Variants in SORT1 observed in about 807,000 individuals in gnomAD.
The protein encoded by SORT1 is sortilin 1.
Under a neutral mutation model 101.7 loss-of-function variants are expected in SORT1, and 39 were observed. The observed-to-expected ratio is 0.38, with a 90% CI of 0.30 to 0.50. The LOEUF (loss-of-function observed/expected upper bound fraction) is 0.50. Among genes scored for constraint, SORT1 ranks in the 20% least tolerant of loss-of-function variants. SORT1 has a pLI of 0.90. For synonymous variants in SORT1, 396 were observed against 393.7 expected, an observed-to-expected ratio of 1.01 and a Z score of -0.07; for missense variants, 878 against 1,040.4, an observed-to-expected ratio of 0.84 and a Z score of 2.15.
In SORT1 at chr1:109,364,477, CAGT is replaced by C. The variant is rs372700088; in HGVS notation, c.440+2928_440+2930del. Reference sequence around the variant, plus strand: ...ACACAAATATGTATGATACTGATCACAGTAGTATTAGTTACAGCGAAAAAAACA... The same window carrying C: ...ACACAAATATGTATGATACTGATCACAGTATTAGTTACAGCGAAAAAAACA... On this transcript the variant is annotated intron_variant, in intron 3 of 19. Transcript: ENST00000256637. 2.2e-4 allele frequency among the ~76,000 whole-genome samples: 33 copies of C among 152,154 alleles called. No individual in the cohort carries two copies. In the East Asian group the frequency reaches 6.0e-3, roughly 28 times the overall value.
chr1:109,388,058 A>G (rs949796644), intron 1 of SORT1, among the ~76,000 whole-genome samples: 1 of 151,316 alleles, frequency 6.6e-6, no homozygotes. Context: ...CAAGTAGTAC[A>G]TTTTTTTTTC....
intron 18 of SORT1, 92 bp from the exon 19 acceptor site, chr1:109,314,476 G>C: frequency 6.9e-7 from 1 of 1,450,704 alleles, no homozygotes; most frequent in Admixed American, 2.0e-5. Context: ...ATACACTCAG[G>C]AACGCATCAC....
chr1:109,335,973 T>C (rs962147489), intron 11 of SORT1, among the ~76,000 whole-genome samples: 1 of 152,244 alleles, frequency 6.6e-6, no homozygotes, highest in East Asian at 1.9e-4. Context: ...CCTCTGGCCA[T>C]TGTTTTAATT....
intron 7 of SORT1, among the ~76,000 whole-genome samples, chr1:109,347,253 T>C (rs1437259393): frequency 2.0e-5 from 3 of 152,222 alleles, no homozygotes; most frequent in African/African-American, 7.2e-5. Flanking sequence ...CATAAATACA[T>C]TGCTAAGATT....
At chr1:109,342,271 G>T (rs777114671) in intron 8 of SORT1, 113 bp from the exon 9 acceptor site, 1 of 793,822 alleles carries the variant, frequency 1.3e-6, no homozygotes, top group Non-Finnish European at 2.0e-6. Flanking sequence ...TACTGGGTAC[G>T]ATTGCTATGA....
At chr1:109,374,771 C>T (rs1158042651) in intron 1 of SORT1, among the ~76,000 whole-genome samples, 4 of 152,122 alleles carry the variant, frequency 2.6e-5, no homozygotes, top group Non-Finnish European at 5.9e-5. Flanking sequence ...CCAGCCTCAC[C>T]AACATGGTGA....
At chr1:109,326,918 C>A in intron 13 of SORT1, 74 bp downstream of exon 13, 2 of 1,136,154 alleles carry the variant, frequency 1.8e-6, no homozygotes, top group South Asian at 4.1e-5. Flanking sequence ...TGTAACATCC[C>A]CCCAATAAAC....
At position 109,338,341 on chromosome 1, in the gene SORT1, A is replaced by G. The variant is rs952800810; in HGVS notation, c.1265-1995T>C. 2.6e-5 allele frequency among the ~76,000 whole-genome samples: 4 copies of G among 152,208 alleles called. 1 individual carries two copies. Among genetic ancestry groups the G allele is most frequent in the African/African-American group, 9.7e-5 (4 of 41,450 alleles). On this transcript the variant is annotated intron_variant, in intron 10 of 19. Coordinates refer to ENST00000256637, the MANE Select transcript of SORT1 (RefSeq NM_002959.7). ...GATGGAAAGAGAAGCGCTGGAGGTG[A>G]GTCAGGGAGGAAACCGGGAGCCATA... is the stretch of plus-strand genomic sequence containing the variant.
At chr1:109,318,118 AAGG>A (rs1421437981) in intron 15 of SORT1, 149 bp from the exon 16 acceptor site, 5 of 550,464 alleles carry the variant, frequency 9.1e-6, no homozygotes, top group African/African-American at 1.9e-5. Context: ...GACACCTCTG[AAGG>A]AGGTCGATTT....
At position 109,351,006 on chromosome 1, in the gene SORT1, A is replaced by T. The variant is rs756801961; in HGVS notation, c.709-4T>A. ...TCTTGGACACCCACAGGCCATTCTG[A>T]AAGATTATAAATGACTTATCAAAAT... is the stretch of plus-strand genomic sequence containing the variant. On this transcript the variant is annotated splice_region_variant and splice_polypyrimidine_tract_variant and intron_variant, in intron 5 of 19. Transcript: ENST00000256637. The T allele has an allele frequency of 1.3e-6, 2 of 1,589,560 alleles. No homozygotes were observed. Among genetic ancestry groups the T allele is most frequent in the Non-Finnish European group, 1.7e-6 (2 of 1,157,538 alleles).
Position 109,313,004 on chromosome 1 carries a change from G to A in SORT1, c.*1039C>T, listed in dbSNP as rs1016894343. On this transcript the variant is annotated 3_prime_UTR_variant, in exon 20 of 20. Transcript: ENST00000256637. ...AAAAAATCTCTAGTCCTGGTTCCAT[G>A]TACAACAGCAACCTAAGAAGCAGCA... 5 of 152,182 alleles carry A rather than the reference G, an allele frequency of 3.3e-5. No individual in the cohort carries two copies. The allele number at this position is 152,182 out of a possible 1,614,324, so 9.4% of individuals were successfully genotyped here. A position where few individuals can be genotyped will look rare whatever the true frequency, so the allele number is the denominator to read the frequency against.
intron 8 of SORT1, among the ~76,000 whole-genome samples, chr1:109,343,749 G>A (rs11102974): frequency 0.7 from 106,287 of 152,064 alleles, 37,691 homozygotes; most frequent in East Asian, 0.96. Context: ...CCACAGTCCA[G>A]TTGATTCTTG....
chr1:109,359,602 C>T (rs994380831), intron 3 of SORT1, among the ~76,000 whole-genome samples: 4 of 152,106 alleles, frequency 2.6e-5, no homozygotes, highest in East Asian at 1.9e-4. Context: ...CAGGTTCAAG[C>T]GGTTCTCCTG....
At chr1:109,390,274 C>T (rs952515145) in intron 1 of SORT1, among the ~76,000 whole-genome samples, 10 of 152,138 alleles carry the variant, frequency 6.6e-5, no homozygotes, top group Non-Finnish European at 1.5e-4. Context: ...TAAGATAGCC[C>T]CAGTGCTTTG....
chr1:109,320,915 A>G (rs1647584944), intron 15 of SORT1, among the ~76,000 whole-genome samples: 1 of 151,792 alleles, frequency 6.6e-6, no homozygotes, highest in African/African-American at 2.4e-5. Context: ...TAGGTATTCA[A>G]TCAGAAATTT....
At position 109,314,377 on chromosome 1, in the gene SORT1, C is replaced by T; in HGVS notation, c.2365G>A (p.Val789Met). 1 of 1,613,844 alleles carries T rather than the reference C, an allele frequency of 6.2e-7. No homozygotes were observed. The highest frequency in any genetic ancestry group is 8.5e-7 in the Non-Finnish European group (1 of 1,179,972). ...KKYVCGGRFL[V>M]HRYSVLQQHA... ...TGCTGCAGCACAGAGTATCGATGCACCAGGAACCTGTGAACAGAAACCTCC... is the reference window on the plus strand; with the variant it reads ...TGCTGCAGCACAGAGTATCGATGCATCAGGAACCTGTGAACAGAAACCTCC... Residue 789 changes from valine (V) to methionine (M), a missense_variant, in exon 19 of 20, where the codon GTG becomes ATG. Physicochemically the swap from Val to Met is conservative, Grantham distance 21. Coordinates refer to ENST00000256637, the MANE Select transcript of SORT1 (RefSeq NM_002959.7).
chr1:109,334,101 G>A (rs1178739604), intron 11 of SORT1, among the ~76,000 whole-genome samples: 5 of 152,064 alleles, frequency 3.3e-5, no homozygotes, highest in Admixed American at 1.3e-4. Flanking sequence ...AGCCAAGATC[G>A]TGCTATTGTA....
Position 109,317,976 on chromosome 1 carries a change from G to C in SORT1, c.2025-7C>G, listed in dbSNP as rs372630842. ...ACGGTAGTAGCCAAAATCACTGCAA[G>C]AGTCAGCAAATAAAGTACCTTTCAA... On this transcript the variant is annotated splice_polypyrimidine_tract_variant and splice_region_variant and intron_variant, in intron 15 of 19. Coordinates refer to ENST00000256637, the MANE Select transcript of SORT1 (RefSeq NM_002959.7). The C allele has an allele frequency of 1.1e-4, 171 of 1,577,460 alleles. No homozygotes were observed. The highest frequency in any genetic ancestry group is 1.4e-4 in the Non-Finnish European group (159 of 1,146,982).
intron 3 of SORT1, among the ~76,000 whole-genome samples, chr1:109,359,058 G>T (rs990575436): frequency 6.6e-6 from 1 of 152,170 alleles, no homozygotes; most frequent in African/African-American, 2.4e-5. Flanking sequence ...TGCTATAAAA[G>T]AATATTATAA....
Sources: allele counts gnomAD v4.1 joint callset (sites outside exome capture counted in the v4.1 genomes callset), GRCh38; gene constraint gnomAD v4.1.1; transcripts MANE v1.5; gene names NCBI Gene and HGNC (gene_info 2026-07-23, HGNC 2026-07-21).